SLC24A2: variants seen among roughly 807,000 people sequenced by gnomAD.
The protein encoded by SLC24A2 is solute carrier family 24 member 2, also known as sodium/potassium/calcium exchanger 2.
A neutral mutation model predicts 62.0 loss-of-function variants in SLC24A2; 36 were observed. The observed-to-expected ratio is 0.58, with a 90% CI of 0.44 to 0.77. SLC24A2 has a LOEUF of 0.77. Among genes scored for constraint, SLC24A2 ranks in the 30% least tolerant of loss-of-function variants. The pLI is 0.00. For missense variants in SLC24A2, 846 were observed against 817.9 expected (o/e 1.03, Z -0.42); for synonymous variants, 358 against 294.0 (o/e 1.22, Z -2.23).
the SLC24A2 span, among the ~76,000 whole-genome samples, chr9:20,057,579 C>G: frequency 1.3e-5 from 2 of 152,154 alleles, no homozygotes; most frequent in Non-Finnish European, 2.9e-5. Context: ...GCCTCATGAG[C>G]TATGGGATAT....
the SLC24A2 span, among the ~76,000 whole-genome samples, chr9:19,995,815 T>C: frequency 1.3e-5 from 2 of 152,200 alleles, no homozygotes. Flanking sequence ...CACCATTTCC[T>C]GATGTTCAAC....
chr9:19,906,708 A>G, the SLC24A2 span, among the ~76,000 whole-genome samples: 1 of 152,312 alleles, frequency 6.6e-6, no homozygotes, highest in Non-Finnish European at 1.5e-5. Flanking sequence ...ACCTCTATGC[A>G]AAAAAACTAG....
At chr9:20,304,166 C>G in the SLC24A2 span, among the ~76,000 whole-genome samples, 1 of 152,192 alleles carries the variant, frequency 6.6e-6, no homozygotes, top group Non-Finnish European at 1.5e-5. Flanking sequence ...CTGCCTCACA[C>G]AGGATTGCCT....
chr9:19,964,862 G>A, the SLC24A2 span, among the ~76,000 whole-genome samples: 1 of 152,132 alleles, frequency 6.6e-6, no homozygotes, highest in Non-Finnish European at 1.5e-5. Context: ...TGGGATAAAG[G>A]GCTTCAGCTT....
chr9:19,550,120 T>G lies in SLC24A2; in HGVS notation c.1479+17A>C. ...ATATGTTTTACAAGGGAACTATTTT[T>G]AAAATGCTTTACTTACAGGTTTGCG... is the stretch of plus-strand genomic sequence containing the variant. On this transcript the variant is annotated intron_variant, in intron 8 of 10. Coordinates refer to ENST00000341998, the MANE Select transcript of SLC24A2 (RefSeq NM_020344.4). The G allele has an allele frequency of 1.9e-6, 3 of 1,612,714 alleles. No individual in the cohort carries two copies. Among genetic ancestry groups the G allele is most frequent in the Non-Finnish European group, 2.5e-6 (3 of 1,179,014 alleles).
the SLC24A2 span, among the ~76,000 whole-genome samples, chr9:20,297,767 C>A: frequency 6.6e-6 from 1 of 152,228 alleles, no homozygotes; most frequent in Non-Finnish European, 1.5e-5. Flanking sequence ...ATGGCCCTCC[C>A]AACCAAACCT....
intron 2 of SLC24A2, among the ~76,000 whole-genome samples, chr9:19,637,332 G>A (rs1818384088): frequency 6.6e-6 from 1 of 152,240 alleles, no homozygotes; most frequent in African/African-American, 2.4e-5. Context: ...TCTGCCCTGG[G>A]CATCAGGCAC....
the SLC24A2 span, among the ~76,000 whole-genome samples, chr9:20,019,091 A>G: frequency 2.6e-3 from 121 of 45,764 alleles, 3 homozygotes; most frequent in African/African-American, 8.7e-3. Flanking sequence ...GAGAGAAAGA[A>G]AGAAAGAAAG....
the SLC24A2 span, among the ~76,000 whole-genome samples, chr9:20,076,423 C>T: frequency 9.9e-5 from 15 of 152,124 alleles, no homozygotes; most frequent in Non-Finnish European, 2.2e-4. Flanking sequence ...GACAGACACA[C>T]GAAGGGAGAA....
chr9:19,850,356 T>C, the SLC24A2 span, among the ~76,000 whole-genome samples: 5 of 152,162 alleles, frequency 3.3e-5, no homozygotes, highest in Non-Finnish European at 1.5e-5. Context: ...AGTAGAACAT[T>C]TGAATTGTGT....
At chr9:20,276,837 C>T in the SLC24A2 span, among the ~76,000 whole-genome samples, 1 of 152,182 alleles carries the variant, frequency 6.6e-6, no homozygotes, top group African/African-American at 2.4e-5. Context: ...GGGCTTGCAC[C>T]CTCTGAAGCA....
the SLC24A2 span, among the ~76,000 whole-genome samples, chr9:19,935,440 G>A: frequency 6.6e-6 from 1 of 152,174 alleles, no homozygotes; most frequent in Non-Finnish European, 1.5e-5. Context: ...GAGCAGCAGG[G>A]TTGAAAGGGA....
At chr9:19,742,860 T>C (rs1821720369) in intron 2 of SLC24A2, among the ~76,000 whole-genome samples, 1 of 151,782 alleles carries the variant, frequency 6.6e-6, no homozygotes, top group Non-Finnish European at 1.5e-5. Context: ...ATACCTCTAA[T>C]GTTGAGAAAC....
the SLC24A2 span, among the ~76,000 whole-genome samples, chr9:19,936,919 G>C: frequency 6.6e-6 from 1 of 152,172 alleles, no homozygotes; most frequent in South Asian, 2.1e-4. Context: ...TGGAGGCAGA[G>C]AGCAGAGAGG....
the SLC24A2 span, among the ~76,000 whole-genome samples, chr9:19,962,553 T>C: frequency 6.6e-6 from 1 of 152,238 alleles, no homozygotes; most frequent in Admixed American, 6.5e-5. Context: ...CAGTGGTTTG[T>C]AGTTCTCCTT....
At chr9:20,295,211 TC>T in the SLC24A2 span, among the ~76,000 whole-genome samples, 1 of 151,842 alleles carries the variant, frequency 6.6e-6, no homozygotes, top group South Asian at 2.1e-4. Flanking sequence ...ATCTCTAAAA[TC>T]CCCAAAATCA....
At chr9:19,642,380 G>A (rs2118087299) in intron 2 of SLC24A2, among the ~76,000 whole-genome samples, 1 of 152,354 alleles carries the variant, frequency 6.6e-6, no homozygotes, top group Non-Finnish European at 1.5e-5. Context: ...GCAGGGGCCA[G>A]AGCAGACAGG....
chr9:19,971,119 G>A, the SLC24A2 span, among the ~76,000 whole-genome samples: 1 of 152,158 alleles, frequency 6.6e-6, no homozygotes, highest in African/African-American at 2.4e-5. Context: ...CCATAAGCAT[G>A]TATTTGCATT....
At position 19,626,064 on chromosome 9, in the gene SLC24A2, C is replaced by T. The variant is rs553681844; in HGVS notation, c.931-3765G>A. On this transcript the variant is annotated intron_variant, in intron 2 of 10. Coordinates refer to ENST00000341998, the MANE Select transcript of SLC24A2 (RefSeq NM_020344.4). ...AAATTGTCCATTTATGCTTGCATCCCAGATAATAAAATGCATAGCCCATTT... is the reference window on the plus strand; with the variant it reads ...AAATTGTCCATTTATGCTTGCATCCTAGATAATAAAATGCATAGCCCATTT... Among the ~76,000 whole-genome samples, 6 of 152,212 alleles carry T rather than the reference C, an allele frequency of 3.9e-5. No homozygotes were observed. In the East Asian group the frequency reaches 9.6e-4, roughly 24 times the overall value.
Sources: allele counts gnomAD v4.1 joint callset (sites outside exome capture counted in the v4.1 genomes callset), GRCh38; gene constraint gnomAD v4.1.1; transcripts MANE v1.5; gene names NCBI Gene and HGNC (gene_info 2026-07-23, HGNC 2026-07-21).